Variants in ADAMTS2 observed in about 807,000 individuals in gnomAD.
ADAMTS2 encodes ADAM metallopeptidase with thrombospondin type 1 motif 2.
In ADAMTS2, 50 loss-of-function variants were observed where a neutral mutation model predicts 123.0. The ratio of observed to expected loss-of-function variants is 0.41; its 90% CI spans 0.32 to 0.51. The LOEUF is 0.51. Among genes scored for constraint, ADAMTS2 ranks in the 20% least tolerant of loss-of-function variants. ADAMTS2 has a pLI of 0.35. For synonymous variants in ADAMTS2, 678 were observed against 695.4 expected (o/e 0.98, Z 0.39); for missense variants, 1,494 against 1,705.2 (o/e 0.88, Z 2.18).
chr5:179,268,106 G>A (rs1278967798), intron 3 of ADAMTS2, among the ~76,000 whole-genome samples: 1 of 152,034 alleles, frequency 6.6e-6, no homozygotes, highest in African/African-American at 2.4e-5. Context: ...AAAGTCTGAT[G>A]TCTGGATTTT....
In ADAMTS2 at chr5:179,117,039, T is replaced by C. The variant is rs1016736317; in HGVS notation, c.3179-2715A>G. Among the ~76,000 whole-genome samples the C allele has an allele frequency of 5.3e-5, 8 of 152,152 alleles. No individual in the cohort carries two copies. Among genetic ancestry groups the C allele is most frequent in the Non-Finnish European group, 7.4e-5 (5 of 68,026 alleles). Reference sequence around the variant, plus strand: ...AAACTGGCAGAAGGCTTTTCTCAGATAAAAATCTTACACAGGTGCCCAATA... The same window carrying C: ...AAACTGGCAGAAGGCTTTTCTCAGACAAAAATCTTACACAGGTGCCCAATA... On this transcript the variant is annotated intron_variant, in intron 21 of 21. Coordinates refer to ENST00000251582, the MANE Select transcript of ADAMTS2 (RefSeq NM_014244.5). The surrounding 1 kb of genome is among the most constrained non-coding windows in gnomAD (Gnocchi z 4.2).
chr5:179,303,061 T>A lies in ADAMTS2; in HGVS notation c.535-29997A>T, dbSNP rs2431423. 6.6e-6 allele frequency among the ~76,000 whole-genome samples: 1 copy of A among 150,520 alleles called. No homozygotes were observed. Among genetic ancestry groups the A allele is most frequent in the African/African-American group, 2.4e-5 (1 of 40,910 alleles). Reference sequence around the variant, plus strand: ...AGACTGCACAGAGCTTCCTCTGCTGTGGGGAGGAGATTGGATTTTCTCCTC... The same window carrying A: ...AGACTGCACAGAGCTTCCTCTGCTGAGGGGAGGAGATTGGATTTTCTCCTC... On this transcript the variant is annotated intron_variant, in intron 2 of 21. Transcript: ENST00000251582. This position sits in a 1 kb window ranked among gnomAD's most constrained non-coding sequence, Gnocchi z 4.7.
At position 179,180,990 on chromosome 5, in the gene ADAMTS2, C is replaced by T; in HGVS notation, c.975+82G>A. The T allele has an allele frequency of 9.0e-7, 1 of 1,114,068 alleles. No individual in the cohort carries two copies. 69.0% of individuals were successfully genotyped at this position (1,114,068 alleles called of 1,614,324 possible). A position where few individuals can be genotyped will look rare whatever the true frequency, so the allele number is the denominator to read the frequency against. ...GGTGGTTCTGGCAAACGCACACACT[C>T]TCCAAGGAGGCCCATGCCTCACTCC... On this transcript the variant is annotated intron_variant, in intron 5 of 21. Transcript: ENST00000251582. This position sits in a 1 kb window ranked among gnomAD's most constrained non-coding sequence, Gnocchi z 4.6.
At position 179,242,161 on chromosome 5, in the gene ADAMTS2, G is replaced by A. The variant is rs910297763; in HGVS notation, c.688+30750C>T. Reference sequence around the variant, plus strand: ...GCTCACAGCGTAGGCCTGGGGCTGCGTATGTGAAGAGCCAATCTGAGAAGG... The same window carrying A: ...GCTCACAGCGTAGGCCTGGGGCTGCATATGTGAAGAGCCAATCTGAGAAGG... On this transcript the variant is annotated intron_variant, in intron 3 of 21. Coordinates refer to ENST00000251582, the MANE Select transcript of ADAMTS2 (RefSeq NM_014244.5). The surrounding 1 kb of genome is among the most constrained non-coding windows in gnomAD (Gnocchi z 4.2). Among the ~76,000 whole-genome samples the A allele has an allele frequency of 2.6e-5, 4 of 152,200 alleles. No homozygotes were observed. Among genetic ancestry groups the A allele is most frequent in the Admixed American group, 6.5e-5 (1 of 15,282 alleles).
At chr5:179,204,287 T>TGC (rs1296358663) in intron 4 of ADAMTS2, among the ~76,000 whole-genome samples, 34,017 of 152,030 alleles carry the variant, frequency 0.22, 4,302 homozygotes, top group East Asian at 0.57. Flanking sequence ...CCCAGCCACA[T>TGC]GAATGTGCTT....
chr5:179,264,700 G>A (rs1310066743), intron 3 of ADAMTS2, among the ~76,000 whole-genome samples: 4 of 152,340 alleles, frequency 2.6e-5, no homozygotes, highest in African/African-American at 4.8e-5. Context: ...GAAAGGGGAC[G>A]GAGAGCAAGT....
At chr5:179,121,182 G>C (rs952742858) in intron 21 of ADAMTS2, 6 of 152,684 alleles carry the variant, frequency 3.9e-5, no homozygotes, top group African/African-American at 1.4e-4. Context: ...TGAGCTGCGC[G>C]AAGGCCGGGC....
intron 2 of ADAMTS2, among the ~76,000 whole-genome samples, chr5:179,339,990 C>A (rs1234653494): frequency 6.6e-6 from 1 of 152,226 alleles, no homozygotes; most frequent in Non-Finnish European, 1.5e-5. Flanking sequence ...GGGTGCCTGG[C>A]CCAGACAGCA....
At chr5:179,232,836 T>C (rs181297150) in intron 3 of ADAMTS2, among the ~76,000 whole-genome samples, 1 of 152,168 alleles carries the variant, frequency 6.6e-6, no homozygotes, top group Non-Finnish European at 1.5e-5. Flanking sequence ...TATACATTCT[T>C]CTTCTGTTTC....
In ADAMTS2 at chr5:179,207,673, C is replaced by T. The variant is rs769174562; in HGVS notation, c.731G>A (p.Gly244Asp). The change falls in exon 4 of 22, where the codon GGC becomes GAC. Residue 244 changes from glycine to aspartate, a missense_variant. This residue lies in a region of ADAMTS2 where 184 missense variants were observed against 152.1 expected (regional missense o/e 1.21). Transcript: ENST00000251582. Reference protein sequence around the residue: ...DSLDSLSRALGVLEEHANSSR... With the variant: ...DSLDSLSRALDVLEEHANSSR... Reference sequence around the variant, plus strand: ...GCTGTTGGCGTGCTCCTCTAGGACGCCCAGGGCGCGGCTGAGGCTGTCCAG... The same window carrying T: ...GCTGTTGGCGTGCTCCTCTAGGACGTCCAGGGCGCGGCTGAGGCTGTCCAG... The T allele has an allele frequency of 6.2e-6, 10 of 1,613,212 alleles. No homozygotes were observed. Among genetic ancestry groups the T allele is most frequent in the Non-Finnish European group, 7.6e-6 (9 of 1,180,018 alleles).
chr5:179,287,710 C>G (rs1271640249), intron 2 of ADAMTS2, among the ~76,000 whole-genome samples: 1 of 152,244 alleles, frequency 6.6e-6, no homozygotes, highest in Non-Finnish European at 1.5e-5. Context: ...ACCCAGGAGG[C>G]AGGGTCTGCT....
At position 179,225,600 on chromosome 5, in the gene ADAMTS2, C is replaced by T. The variant is rs890257965; in HGVS notation, c.689-17885G>A. The stretch of plus-strand genomic sequence containing the variant: ...GAGGAACACACAGGCGGCTGGACGT[C>T]GAGAGGAACGCACCAACGAGCACCA... On this transcript the variant is annotated intron_variant, in intron 3 of 21. Transcript: ENST00000251582. This position sits in a 1 kb window ranked among gnomAD's most constrained non-coding sequence, Gnocchi z 4.5. Among the ~76,000 whole-genome samples the T allele has an allele frequency of 6.6e-6, 1 of 152,134 alleles. No homozygotes were observed. Among genetic ancestry groups the T allele is most frequent in the African/African-American group, 2.4e-5 (1 of 41,432 alleles).
At position 179,344,104 on chromosome 5, in the gene ADAMTS2, G is replaced by A. The variant is rs1339904196; in HGVS notation, c.197C>T (p.Ala66Val). 2 of 1,609,268 alleles carry A rather than the reference G, an allele frequency of 1.2e-6. No individual in the cohort carries two copies. The highest frequency in any genetic ancestry group is 1.7e-5 in the Admixed American group (1 of 59,818). The change falls in exon 2 of 22, where the codon GCC becomes GTC. Residue 66 changes from alanine to valine, a missense_variant. This residue lies in a region of ADAMTS2 where 237 missense variants were observed against 233.7 expected (regional missense o/e 1.01). Coordinates refer to ENST00000251582, the MANE Select transcript of ADAMTS2 (RefSeq NM_014244.5). ...CACGTGGGACACCAAGCGGCCCTGG[G>A]CGTCAGTGCGCACGGGCACCGCCAG... ...RILAVPVRTDAQGRLVSHVVS... is the reference protein window; with the variant it reads ...RILAVPVRTDVQGRLVSHVVS...
Position 179,115,781 on chromosome 5 carries a change from C to A in ADAMTS2, c.3179-1457G>T, listed in dbSNP as rs1353109173. On this transcript the variant is annotated intron_variant, in intron 21 of 21. Transcript: ENST00000251582. The surrounding 1 kb of genome is among the most constrained non-coding windows in gnomAD (Gnocchi z 4.4). ...TTATCCCATACACCAACATATGACA[C>A]AATCTACACCTGAAGCTGTCCAAAA... 6.6e-6 allele frequency among the ~76,000 whole-genome samples: 1 copy of A among 151,502 alleles called. No homozygotes were observed. Among genetic ancestry groups the A allele is most frequent in the Admixed American group, 6.6e-5 (1 of 15,214 alleles).
chr5:179,338,096 T>G (rs536800968), intron 2 of ADAMTS2, among the ~76,000 whole-genome samples: 1 of 152,200 alleles, frequency 6.6e-6, no homozygotes, highest in Admixed American at 6.5e-5. Flanking sequence ...CATTTACCAG[T>G]GCCAGAAACA....
intron 3 of ADAMTS2, among the ~76,000 whole-genome samples, chr5:179,245,765 CA>C (rs1171837041): frequency 0.027 from 459 of 17,172 alleles, no homozygotes; most frequent in East Asian, 0.066. Context: ...GACTCCGTCT[CA>C]AAAAAAAAAA....
At chr5:179,241,076 T>A (rs1471436515) in intron 3 of ADAMTS2, among the ~76,000 whole-genome samples, 1 of 152,186 alleles carries the variant, frequency 6.6e-6, no homozygotes, top group Non-Finnish European at 1.5e-5. Flanking sequence ...TTTAGCTGCA[T>A]GGGTGAGGTA....
chr5:179,187,619 G>C (rs954060941), intron 4 of ADAMTS2, among the ~76,000 whole-genome samples: 2 of 152,122 alleles, frequency 1.3e-5, no homozygotes, highest in East Asian at 1.9e-4. Flanking sequence ...AGCCCTGGGG[G>C]CCTCCTCCGC....
At chr5:179,310,274 T>C (rs1192837814) in intron 2 of ADAMTS2, among the ~76,000 whole-genome samples, 1 of 152,238 alleles carries the variant, frequency 6.6e-6, no homozygotes, top group Non-Finnish European at 1.5e-5. Context: ...TAGGCATGCC[T>C]TGCTCATACC....
Sources: gnomAD v4.1 joint callset for allele counts (sites outside exome capture counted in the v4.1 genomes callset) on GRCh38, gnomAD v4.1.1 for gene constraint, gnomAD v4.1.1 regional missense constraint, Gnocchi (gnomAD v3.1) non-coding constraint, MANE v1.5 for transcripts, NCBI Gene and HGNC (gene_info 2026-07-23, HGNC 2026-07-21) for gene names.